The following RASEF variants were observed in gnomAD, a reference collection of about 807,000 sequenced individuals.
The protein encoded by RASEF is ras and EF-hand domain-containing protein.
A neutral mutation model predicts 90.1 loss-of-function variants in RASEF; 68 were observed. That is an observed-to-expected ratio of 0.75 (90% CI 0.62 to 0.92). The LOEUF (loss-of-function observed/expected upper bound fraction) is 0.92. Among genes scored for constraint, RASEF ranks in the 40% least tolerant of loss-of-function variants. The pLI is 0.00. For synonymous variants in RASEF, 331 were observed against 345.2 expected (o/e 0.96, Z 0.46); for missense variants, 949 against 937.2 (o/e 1.01, Z -0.16).
At chr9:83,084,833 T>C in the RASEF span, among the ~76,000 whole-genome samples, 18 of 152,328 alleles carry the variant, frequency 1.2e-4, no homozygotes, top group Non-Finnish European at 1.9e-4. Context: ...ATCATTATCT[T>C]GAGGGAAGAA....
the RASEF span, among the ~76,000 whole-genome samples, chr9:83,137,110 T>C: frequency 6.6e-6 from 1 of 152,140 alleles, no homozygotes; most frequent in Non-Finnish European, 1.5e-5. Context: ...CCTTGGTTGT[T>C]TTACTGAAAT....
At chr9:83,011,646 A>C (rs966154348) in intron 5 of RASEF, among the ~76,000 whole-genome samples, 5 of 151,666 alleles carry the variant, frequency 3.3e-5, no homozygotes, top group Admixed American at 2.0e-4. Context: ...TGCATTGGAA[A>C]GACTAAATAA....
At chr9:83,125,196 T>A in the RASEF span, among the ~76,000 whole-genome samples, 7 of 152,152 alleles carry the variant, frequency 4.6e-5, no homozygotes, top group African/African-American at 1.4e-4. Context: ...TGTGCACTAC[T>A]TCAGCTGGGC....
intron 9 of RASEF, among the ~76,000 whole-genome samples, chr9:83,003,781 A>G (rs1481013874): frequency 1.3e-5 from 2 of 152,212 alleles, no homozygotes; most frequent in African/African-American, 4.8e-5. Flanking sequence ...GTGAATCTGA[A>G]AGTCACAAAG....
At chr9:83,048,203 G>T (rs774399285) in intron 1 of RASEF, 27 of 985,364 alleles carry the variant, frequency 2.7e-5, no homozygotes, top group Non-Finnish European at 3.3e-5. Flanking sequence ...GAGCTTGGAG[G>T]TCATCTGACA....
At chr9:83,025,710 G>T (rs1829531933) in intron 2 of RASEF, 65 bp downstream of exon 2, 2 of 1,512,834 alleles carry the variant, frequency 1.3e-6, no homozygotes, top group South Asian at 1.2e-5. Context: ...CAGTCCATTT[G>T]CCACCCAGGT....
chr9:83,091,563 A>T, the RASEF span, among the ~76,000 whole-genome samples: 2 of 152,194 alleles, frequency 1.3e-5, no homozygotes, highest in Non-Finnish European at 2.9e-5. Flanking sequence ...TGAAAAAAAT[A>T]AAAATAAAAA....
intron 1 of RASEF, among the ~76,000 whole-genome samples, chr9:83,060,992 C>A (rs79321560): frequency 0.014 from 2,090 of 152,258 alleles, 40 homozygotes; most frequent in African/African-American, 0.048. Flanking sequence ...TGAGACTAGA[C>A]AACTGTGAAA....
chr9:83,181,415 G>A, the RASEF span, among the ~76,000 whole-genome samples: 1 of 152,148 alleles, frequency 6.6e-6, no homozygotes, highest in Non-Finnish European at 1.5e-5. Flanking sequence ...TCATATTGAG[G>A]AAGGACCAAA....
At chr9:83,009,056 C>A (rs1410907184) in intron 6 of RASEF, among the ~76,000 whole-genome samples, 2 of 150,174 alleles carry the variant, frequency 1.3e-5, no homozygotes, top group East Asian at 3.9e-4. Context: ...TCTTGTAAGA[C>A]CTTAATTCTG....
chr9:83,040,999 T>C (rs1359902859), intron 1 of RASEF, among the ~76,000 whole-genome samples: 3 of 152,194 alleles, frequency 2.0e-5, no homozygotes, highest in Non-Finnish European at 4.4e-5. Flanking sequence ...TGGCTGGGAT[T>C]ACAGGCACGC....
At chr9:83,009,228 T>C (rs990444326) in intron 6 of RASEF, among the ~76,000 whole-genome samples, 4 of 152,012 alleles carry the variant, frequency 2.6e-5, no homozygotes, top group Non-Finnish European at 4.4e-5. Context: ...TGTGAATGTA[T>C]GTATGTGTAT....
chr9:83,150,149 C>T, the RASEF span, among the ~76,000 whole-genome samples: 6,187 of 152,216 alleles, frequency 0.041, 387 homozygotes, highest in African/African-American at 0.14. Flanking sequence ...AAGGACATAG[C>T]TCGGGAGCAG....
intron 16 of RASEF, among the ~76,000 whole-genome samples, 193 bp from the exon 17 acceptor site, chr9:82,982,975 G>T (rs889743202): frequency 1.3e-5 from 2 of 152,042 alleles, no homozygotes; most frequent in African/African-American, 4.8e-5. Context: ...ATATAAATTT[G>T]CTGTGCCCCA....
At chr9:83,014,980 TAAACAAAC>T (rs973929301) in intron 4 of RASEF, among the ~76,000 whole-genome samples, 2 of 152,030 alleles carry the variant, frequency 1.3e-5, no homozygotes, top group Non-Finnish European at 2.9e-5. Flanking sequence ...CCAACCACAT[TAAACAAAC>T]AAACAAACAA....
the RASEF span, among the ~76,000 whole-genome samples, chr9:83,078,038 C>T: frequency 0.021 from 3,142 of 152,252 alleles, 90 homozygotes; most frequent in African/African-American, 0.071. Flanking sequence ...CACTAGTTCT[C>T]AAAGGATAGT....
the RASEF span, among the ~76,000 whole-genome samples, chr9:83,137,481 A>G: frequency 1.7e-3 from 254 of 152,308 alleles, no homozygotes; most frequent in South Asian, 5.8e-3. Context: ...CATTTAGCAT[A>G]CAGAAAGCAG....
At chr9:83,072,734 G>A in the RASEF span, among the ~76,000 whole-genome samples, 1 of 152,152 alleles carries the variant, frequency 6.6e-6, no homozygotes, top group South Asian at 2.1e-4. Context: ...TCTTCTGCCT[G>A]CTTTTATCCC....
chr9:83,136,950 C>A, the RASEF span, among the ~76,000 whole-genome samples: 4 of 151,810 alleles, frequency 2.6e-5, no homozygotes, highest in African/African-American at 9.7e-5. Flanking sequence ...ATTTTTTTTA[C>A]TTCTTCAAAA....
Sources: gnomAD v4.1 joint callset for allele counts (sites outside exome capture counted in the v4.1 genomes callset) on GRCh38, gnomAD v4.1.1 for gene constraint, MANE v1.5 for transcripts, NCBI Gene and HGNC (gene_info 2026-07-23, HGNC 2026-07-21) for gene names.